Variants in SMYD3 observed in about 807,000 individuals in gnomAD.
The protein encoded by SMYD3 is histone-lysine N-methyltransferase SMYD3.
Under a neutral mutation model 57.7 loss-of-function variants are expected in SMYD3, and 36 were observed. The observed-to-expected ratio is 0.62, with a 90% CI of 0.48 to 0.82. The LOEUF (loss-of-function observed/expected upper bound fraction) is 0.82, where lower values mean the gene tolerates loss of function less well. SMYD3 is among the 40% of genes least tolerant of loss of function. The pLI is 0.00. For missense variants in SMYD3, 515 were observed against 538.8 expected, an observed-to-expected ratio of 0.96 and a Z score of 0.44; for synonymous variants, 211 against 195.0, an observed-to-expected ratio of 1.08 and a Z score of -0.68.
chr1:246,044,975 T>G (rs2148305708), intron 5 of SMYD3, among the ~76,000 whole-genome samples: 1 of 152,152 alleles, frequency 6.6e-6, no homozygotes, highest in Non-Finnish European at 1.5e-5. Flanking sequence ...CTCAACGAAA[T>G]AAAAGAGGAC....
rs151100647 is a variant in SMYD3, at chr1:246,226,522, C to A, written c.531+100679G>T. On this transcript the variant is annotated intron_variant, in intron 5 of 11. Coordinates refer to ENST00000490107, the MANE Select transcript of SMYD3 (RefSeq NM_001167740.2). ...TTTGCCTAGAATTGATTTTTTGATG[C>A]TGATTATATAACCCATTAACTGACT... Among the ~76,000 whole-genome samples the A allele has an allele frequency of 6.8e-3, 1,033 of 152,206 alleles. 16 individuals are homozygous for A. Among genetic ancestry groups the A allele is most frequent in the African/African-American group, 0.023 (944 of 41,534 alleles).
intron 5 of SMYD3, among the ~76,000 whole-genome samples, chr1:246,188,179 T>G (rs1315367755): frequency 6.6e-6 from 1 of 152,200 alleles, no homozygotes; most frequent in Non-Finnish European, 1.5e-5. Context: ...TGTCTGGCAC[T>G]ACAGCAAGAG....
rs150163500 is a variant in SMYD3 at position 245,896,751 on chromosome 1, G to A, written c.813+18779C>T. Among the ~76,000 whole-genome samples the A allele has an allele frequency of 7.8e-4, 118 of 152,212 alleles. 1 individual carries two copies. The highest frequency in any genetic ancestry group is 2.6e-3 in the African/African-American group (110 of 41,518). On this transcript the variant is annotated intron_variant, in intron 8 of 11. Transcript: ENST00000490107. The stretch of plus-strand genomic sequence containing the variant: ...TCTTGTCTAGGTACACAGCCATGAC[G>A]CCCACCATCTAGGCAACACTTCTGC...
chr1:246,333,694 T>C (rs990361147), intron 3 of SMYD3, among the ~76,000 whole-genome samples: 1 of 151,558 alleles, frequency 6.6e-6, no homozygotes, highest in Non-Finnish European at 1.5e-5. Flanking sequence ...GGAAACATGA[T>C]GAAACTTCGT....
intron 5 of SMYD3, among the ~76,000 whole-genome samples, chr1:246,281,391 C>T (rs1042570189): frequency 6.6e-6 from 1 of 152,186 alleles, no homozygotes; most frequent in African/African-American, 2.4e-5. Flanking sequence ...AGGTGCTTTC[C>T]ACACACTATC....
intron 7 of SMYD3, among the ~76,000 whole-genome samples, chr1:245,923,769 T>A (rs1338701739): frequency 6.6e-6 from 1 of 152,194 alleles, no homozygotes; most frequent in African/African-American, 2.4e-5. Context: ...CCACTGTGCA[T>A]CTTAATTCTA....
intron 10 of SMYD3, among the ~76,000 whole-genome samples, chr1:245,793,113 T>G (rs763575676): frequency 0.042 from 6,007 of 141,588 alleles, 184 homozygotes; most frequent in Non-Finnish European, 0.069. Flanking sequence ...ATCAAGACCA[T>G]CCTGGCTAAC....
intron 10 of SMYD3, among the ~76,000 whole-genome samples, chr1:245,806,741 T>C (rs891146392): frequency 6.7e-6 from 1 of 149,712 alleles, no homozygotes; most frequent in Non-Finnish European, 1.5e-5. Context: ...AAACCCCGTC[T>C]CTACTAAAAA....
chr1:246,410,200 A>G (rs2066941158), intron 1 of SMYD3, among the ~76,000 whole-genome samples: 1 of 152,102 alleles, frequency 6.6e-6, no homozygotes, highest in South Asian at 2.1e-4. Flanking sequence ...AGAATTTCCA[A>G]CACTATATTG....
At chr1:246,149,094 G>C (rs1255243719) in intron 5 of SMYD3, among the ~76,000 whole-genome samples, 1 of 152,230 alleles carries the variant, frequency 6.6e-6, no homozygotes, top group Non-Finnish European at 1.5e-5. Flanking sequence ...ACAGTAGCTG[G>C]AGGAGGATGT....
At chr1:246,225,181 A>T (rs1315637266) in intron 5 of SMYD3, among the ~76,000 whole-genome samples, 2 of 151,946 alleles carry the variant, frequency 1.3e-5, no homozygotes, top group African/African-American at 4.8e-5. Context: ...TCATAATTCC[A>T]GTATTTAAAG....
At position 246,358,245 on chromosome 1, in the gene SMYD3, A is replaced by G. The variant is rs186454838; in HGVS notation, c.165-3151T>C. The stretch of plus-strand genomic sequence containing the variant: ...GACATTATATAACAATAAAAGGACT[A>G]GTCCAACAGTAAAATATCACAATCC... On this transcript the variant is annotated intron_variant, in intron 1 of 11. Coordinates refer to ENST00000490107, the MANE Select transcript of SMYD3 (RefSeq NM_001167740.2). Among the ~76,000 whole-genome samples, 1,036 of 152,336 alleles carry G rather than the reference A, an allele frequency of 6.8e-3. 13 individuals are homozygous for G. The highest frequency in any genetic ancestry group is 0.023 in the African/African-American group (974 of 41,578).
intron 5 of SMYD3, among the ~76,000 whole-genome samples, chr1:246,246,445 C>G (rs2063706121): frequency 6.6e-6 from 1 of 151,972 alleles, no homozygotes; most frequent in Non-Finnish European, 1.5e-5. Context: ...AGAAAGGGTA[C>G]CAATCCCAAG....
intron 1 of SMYD3, among the ~76,000 whole-genome samples, chr1:246,457,593 A>C (rs186487716): frequency 8.1e-4 from 123 of 152,112 alleles, no homozygotes; most frequent in Non-Finnish European, 8.1e-4. Context: ...AAAGAAAAGA[A>C]GGTCCAAATT....
intron 10 of SMYD3, among the ~76,000 whole-genome samples, chr1:245,845,452 A>G (rs2148434044): frequency 6.6e-6 from 1 of 152,342 alleles, no homozygotes; most frequent in East Asian, 1.9e-4. Context: ...CTGTAGCCAG[A>G]AGGAGATAGC....
chr1:246,215,919 T>C (rs894005183), intron 5 of SMYD3, among the ~76,000 whole-genome samples: 2 of 152,114 alleles, frequency 1.3e-5, no homozygotes, highest in Admixed American at 6.5e-5. Context: ...TTTTTTCTAT[T>C]GTATACTCTA....
chr1:246,197,566 T>G (rs2062844633), intron 5 of SMYD3, among the ~76,000 whole-genome samples: 1 of 151,060 alleles, frequency 6.6e-6, no homozygotes, highest in Admixed American at 6.6e-5. Flanking sequence ...TCCTCCAAAC[T>G]GTCAAGGATC....
intron 5 of SMYD3, among the ~76,000 whole-genome samples, chr1:246,290,729 T>C (rs1169034094): frequency 6.6e-6 from 1 of 152,136 alleles, no homozygotes; most frequent in African/African-American, 2.4e-5. Context: ...TCCTTTTTTT[T>C]CCTTCACATC....
chr1:246,263,813 G>C (rs1446874274), intron 5 of SMYD3, among the ~76,000 whole-genome samples: 3 of 152,146 alleles, frequency 2.0e-5, no homozygotes, highest in East Asian at 3.9e-4. Flanking sequence ...AGTCCCAGAA[G>C]AAGAAATTAC....
Sources: gnomAD v4.1 joint callset for allele counts (sites outside exome capture counted in the v4.1 genomes callset) on GRCh38, gnomAD v4.1.1 for gene constraint, MANE v1.5 for transcripts, NCBI Gene and HGNC (gene_info 2026-07-23, HGNC 2026-07-21) for gene names.